FHIT: variants seen among roughly 807,000 people sequenced by gnomAD.
FHIT encodes the protein fragile histidine triad diadenosine triphosphatase.
In FHIT, 19 loss-of-function variants were observed where a neutral mutation model predicts 17.9. The ratio of observed to expected loss-of-function variants is 1.06; its 90% CI spans 0.74 to 1.56. The LOEUF is 1.56. FHIT is among the 40% of genes most tolerant of loss of function. The probability of loss-of-function intolerance (pLI) is 0.00; values close to 1 mark genes in which losing one functional copy is unlikely to be tolerated. For missense variants in FHIT, 248 were observed against 189.2 expected (o/e 1.31, Z -1.82); for synonymous variants, 81 against 69.7 (o/e 1.16, Z -0.81).
At chr3:61,003,822 T>C (rs1041365460) in intron 3 of FHIT, among the ~76,000 whole-genome samples, 1 of 152,276 alleles carries the variant, frequency 6.6e-6, no homozygotes, top group Admixed American at 6.5e-5. Flanking sequence ...TTTTCTCTTA[T>C]AGCAGATGCT....
chr3:60,135,676 G>A (rs1001390648), intron 5 of FHIT, among the ~76,000 whole-genome samples: 8 of 152,154 alleles, frequency 5.3e-5, no homozygotes, highest in Non-Finnish European at 1.2e-4. Context: ...GGCAGTGGCA[G>A]TGAGCAGAGG....
chr3:60,795,822 A>ATTTTTTGT (rs1553730122), intron 4 of FHIT, among the ~76,000 whole-genome samples: 1 of 151,822 alleles, frequency 6.6e-6, no homozygotes, highest in Non-Finnish European at 1.5e-5. Flanking sequence ...TCTGCTTTCC[A>ATTTTTTGT]TTTTTTGTTT....
At chr3:60,414,989 G>A (rs530763661) in intron 5 of FHIT, among the ~76,000 whole-genome samples, 3 of 152,220 alleles carry the variant, frequency 2.0e-5, no homozygotes, top group African/African-American at 7.2e-5. Context: ...GCTTGTTAAT[G>A]GTGTAGATTA....
At chr3:60,338,115 T>G (rs1576497956) in intron 5 of FHIT, among the ~76,000 whole-genome samples, 1 of 152,186 alleles carries the variant, frequency 6.6e-6, no homozygotes, top group Non-Finnish European at 1.5e-5. Flanking sequence ...GAATGCGTTT[T>G]CTAGAGAATC....
intron 5 of FHIT, among the ~76,000 whole-genome samples, chr3:60,402,647 T>A (rs747079520): frequency 6.6e-6 from 1 of 152,248 alleles, no homozygotes; most frequent in Non-Finnish European, 1.5e-5. Context: ...ATTATCTAAG[T>A]TTCAGAGCAG....
intron 4 of FHIT, among the ~76,000 whole-genome samples, chr3:60,559,776 C>A (rs1456185786): frequency 1.6e-5 from 2 of 128,982 alleles, no homozygotes; most frequent in African/African-American, 5.8e-5. Flanking sequence ...GCACTTACAC[C>A]ATTTCTTATG....
At chr3:60,038,394 G>T (rs1339858858) in intron 5 of FHIT, among the ~76,000 whole-genome samples, 1 of 152,152 alleles carries the variant, frequency 6.6e-6, no homozygotes, top group African/African-American at 2.4e-5. Flanking sequence ...TTATCTAAGA[G>T]TCTGATAACA....
intron 4 of FHIT, among the ~76,000 whole-genome samples, chr3:60,635,461 A>T (rs549389833): frequency 1.3e-5 from 2 of 152,192 alleles, no homozygotes; most frequent in South Asian, 4.1e-4. Context: ...CTTGCACATA[A>T]ACCCCCCAAC....
chr3:60,605,761 G>A (rs2038588760), intron 4 of FHIT, among the ~76,000 whole-genome samples: 1 of 152,164 alleles, frequency 6.6e-6, no homozygotes, highest in Admixed American at 6.5e-5. Flanking sequence ...CAGCTAATGG[G>A]GCACCTGGTT....
intron 5 of FHIT, among the ~76,000 whole-genome samples, chr3:60,465,502 G>C (rs570453374): frequency 1.3e-5 from 2 of 152,114 alleles, no homozygotes; most frequent in Admixed American, 1.3e-4. Context: ...GTGTCTTCTT[G>C]TAGAAGTTTC....
chr3:60,121,912 C>T (rs771140032), intron 5 of FHIT, among the ~76,000 whole-genome samples: 2 of 152,094 alleles, frequency 1.3e-5, no homozygotes, highest in Non-Finnish European at 2.9e-5. Flanking sequence ...TATCTACAGT[C>T]AACTAAGAAA....
At chr3:61,152,411 A>G (rs1018008664) in intron 2 of FHIT, among the ~76,000 whole-genome samples, 2 of 152,254 alleles carry the variant, frequency 1.3e-5, no homozygotes, top group Non-Finnish European at 2.9e-5. Flanking sequence ...TGAAATACAT[A>G]TTAGAAGAAC....
intron 5 of FHIT, among the ~76,000 whole-genome samples, chr3:60,438,577 T>C (rs545907041): frequency 1.3e-5 from 2 of 152,050 alleles, no homozygotes; most frequent in Non-Finnish European, 2.9e-5. Context: ...CTGTGTCTTG[T>C]TTAATTTCTT....
At chr3:59,839,253 G>A (rs773779585) in intron 8 of FHIT, among the ~76,000 whole-genome samples, 8 of 151,200 alleles carry the variant, frequency 5.3e-5, no homozygotes, top group Non-Finnish European at 1.0e-4. Context: ...GGGATGCAGA[G>A]GTTGCAGTGA....
intron 5 of FHIT, among the ~76,000 whole-genome samples, chr3:60,532,560 A>G (rs994260425): frequency 6.6e-6 from 1 of 152,250 alleles, no homozygotes; most frequent in Non-Finnish European, 1.5e-5. Flanking sequence ...TGTCACCAAG[A>G]AACTCTGAAA....
chr3:60,492,087 T>C (rs1021317640), intron 5 of FHIT, among the ~76,000 whole-genome samples: 2 of 152,178 alleles, frequency 1.3e-5, no homozygotes, highest in African/African-American at 4.8e-5. Context: ...AATTAATGTG[T>C]TGTATTTCTT....
intron 1 of FHIT, among the ~76,000 whole-genome samples, chr3:61,210,910 T>C (rs1202113581): frequency 6.6e-6 from 1 of 151,882 alleles, no homozygotes; most frequent in African/African-American, 2.4e-5. Context: ...CACTGGGAGC[T>C]GTAGACTGGA....
intron 5 of FHIT, among the ~76,000 whole-genome samples, chr3:60,229,107 G>C (rs1559745220): frequency 6.6e-6 from 1 of 152,106 alleles, no homozygotes; most frequent in Admixed American, 6.6e-5. Context: ...GAAACTCAGG[G>C]ACAGTGCCCT....
At chr3:60,275,991 A>ATTTT (rs11457779) in intron 5 of FHIT, among the ~76,000 whole-genome samples, 6 of 147,828 alleles carry the variant, frequency 4.1e-5, no homozygotes, top group Non-Finnish European at 3.0e-5. Context: ...TGTTTTTGCA[A>ATTTT]TTTTTTTTTT....
Sources: gnomAD v4.1 joint callset for allele counts (sites outside exome capture counted in the v4.1 genomes callset) on GRCh38, gnomAD v4.1.1 for gene constraint, MANE v1.5 for transcripts, NCBI Gene and HGNC (gene_info 2026-07-23, HGNC 2026-07-21) for gene names.